The following ARHGEF7 variants were observed in gnomAD, a reference collection of about 807,000 sequenced individuals.
ARHGEF7 encodes PAK-interacting exchange factor beta.
A neutral mutation model predicts 109.8 loss-of-function variants in ARHGEF7; 33 were observed. That is an observed-to-expected ratio of 0.30 (90% confidence interval 0.23 to 0.40). The LOEUF is 0.40. Among genes scored for constraint, ARHGEF7 ranks in the 10% least tolerant of loss-of-function variants. The pLI is 1.00. For missense variants in ARHGEF7, 938 were observed against 1,098.5 expected (o/e 0.85, Z 2.07); for synonymous variants, 458 against 424.6 (o/e 1.08, Z -0.97).
At chr13:111,127,659 AAAAAAAAAAAAAAAG>A (rs2067664108) in intron 1 of ARHGEF7, among the ~76,000 whole-genome samples, 1 of 149,592 alleles carries the variant, frequency 6.7e-6, no homozygotes, top group Non-Finnish European at 1.5e-5. Context: ...AAAAAAAAAA[AAAAAAAAAAAAAAAG>A]AAGGAAGGAA....
chr13:111,280,835 C>A, intron 15 of ARHGEF7, 158 bp downstream of exon 15: 1 of 808,474 alleles, frequency 1.2e-6, no homozygotes, highest in Non-Finnish European at 1.9e-6. Flanking sequence ...TGGCCCTCTT[C>A]GTGCAGTAGT....
chr13:111,277,758 G>A, intron 13 of ARHGEF7, 85 bp downstream of exon 13: 1 of 909,508 alleles, frequency 1.1e-6, no homozygotes, highest in Non-Finnish European at 1.8e-6. Flanking sequence ...AATATTACGT[G>A]TATCTATCTG....
At chr13:111,236,563 A>G (rs186068764) in intron 6 of ARHGEF7, among the ~76,000 whole-genome samples, 5 of 152,146 alleles carry the variant, frequency 3.3e-5, no homozygotes, top group African/African-American at 1.2e-4. Context: ...ACTGATGTCT[A>G]TTTTTATTTT....
intron 8 of ARHGEF7, among the ~76,000 whole-genome samples, chr13:111,253,287 C>T (rs1234222350): frequency 2.4e-4 from 37 of 152,166 alleles, no homozygotes; most frequent in Admixed American, 2.4e-3. Context: ...AAAAAATTGC[C>T]TCTATGGGAA....
At chr13:111,286,794 A>C (rs887083000) in intron 17 of ARHGEF7, among the ~76,000 whole-genome samples, 8 of 152,058 alleles carry the variant, frequency 5.3e-5, no homozygotes, top group African/African-American at 1.9e-4. Flanking sequence ...ATAGCTTTTG[A>C]ATAAGTGGAG....
At chr13:111,201,699 GGAT>G (rs758591445) in intron 2 of ARHGEF7, among the ~76,000 whole-genome samples, 45 of 152,138 alleles carry the variant, frequency 3.0e-4, no homozygotes, top group Non-Finnish European at 5.6e-4. Context: ...TCCCTGGTGA[GGAT>G]GAGAAGTCTG....
Position 111,265,965 on chromosome 13 carries a change from G to A in ARHGEF7, c.951-1583G>A, listed in dbSNP as rs76953392. ...GGACTGAGGCCGTGTGCTTATCGGT[G>A]GGGACAGCAGAGCAGAAGCAGTGTC... On this transcript the variant is annotated intron_variant, in intron 8 of 21. Transcript: ENST00000646102. Among the ~76,000 whole-genome samples the A allele has an allele frequency of 3.1e-3, 474 of 152,314 alleles. 2 individuals carry two copies. The highest frequency in any genetic ancestry group is 0.011 in the African/African-American group (450 of 41,560).
chr13:111,265,124 C>CAAAAAAA (rs976877106), intron 8 of ARHGEF7, among the ~76,000 whole-genome samples: 2 of 69,456 alleles, frequency 2.9e-5, no homozygotes, highest in East Asian at 4.2e-4. Flanking sequence ...AACTCCATCT[C>CAAAAAAA]AAAAAAAAAA....
At chr13:111,245,179 A>T (rs2088584814) in intron 8 of ARHGEF7, among the ~76,000 whole-genome samples, 1 of 152,108 alleles carries the variant, frequency 6.6e-6, no homozygotes, top group Non-Finnish European at 1.5e-5. Context: ...TGCTGAGCAT[A>T]CTTCTCAGAT....
chr13:111,139,563 G>A (rs1042433102), intron 1 of ARHGEF7, among the ~76,000 whole-genome samples: 1 of 150,166 alleles, frequency 6.7e-6, no homozygotes, highest in African/African-American at 2.4e-5. Flanking sequence ...GAGCACTGGC[G>A]GGTGCCTGCG....
chr13:111,215,124 G>A (rs1446502627), intron 4 of ARHGEF7, among the ~76,000 whole-genome samples: 1 of 151,920 alleles, frequency 6.6e-6, no homozygotes, highest in African/African-American at 2.4e-5. Context: ...TGGGGTACAC[G>A]AGCTGTCTTG....
chr13:111,302,168 T>G (rs577281037), intron 21 of ARHGEF7, among the ~76,000 whole-genome samples: 1 of 152,294 alleles, frequency 6.6e-6, no homozygotes, highest in Non-Finnish European at 1.5e-5. Flanking sequence ...CGAAGCCAGG[T>G]TAGCGAGCCA....
chr13:111,118,722 A>G (rs771025060), intron 1 of ARHGEF7, among the ~76,000 whole-genome samples: 12 of 152,230 alleles, frequency 7.9e-5, no homozygotes, highest in South Asian at 4.1e-4. Context: ...GAAAATTTCT[A>G]TAAGACTAAT....
In ARHGEF7 at chr13:111,115,620, C is replaced by T; in HGVS notation, c.94C>T (p.Gln32Ter). ...CATCTCGGACCCGGAGGGCTTTCTG[C>T]AGGCGTCGCTGAAGGATGGGGTGGT... Reference protein sequence around the residue: ...KTISDPEGFLQASLKDGVVLC... With the variant: ...KTISDPEGFL Residue 32 changes from glutamine (Q) to a stop codon, truncating the protein, a stop_gained, in exon 1 of 22, where the codon CAG (glutamine) becomes TAG (stop). Coordinates refer to ENST00000646102, the MANE Select transcript of ARHGEF7 (RefSeq NM_001354046.2). LOFTEE classifies it high-confidence loss of function. The T allele has an allele frequency of 7.1e-7, 1 of 1,404,870 alleles. No individual in the cohort carries two copies. Among genetic ancestry groups the T allele is most frequent in the Non-Finnish European group, 9.4e-7 (1 of 1,063,560 alleles). 87.0% of individuals were successfully genotyped at this position (1,404,870 alleles called of 1,614,324 possible). A position where few individuals can be genotyped will look rare whatever the true frequency, so the allele number is the denominator to read the frequency against.
At chr13:111,288,268 GA>G in intron 17 of ARHGEF7, 85 bp from the exon 18 acceptor site, 1 of 696,710 alleles carries the variant, frequency 1.4e-6, no homozygotes, top group Non-Finnish European at 2.4e-6. Flanking sequence ...CACTTTGGTC[GA>G]GTTGATGTCT....
At chr13:111,187,872 G>A (rs964571633) in intron 2 of ARHGEF7, among the ~76,000 whole-genome samples, 1 of 152,234 alleles carries the variant, frequency 6.6e-6, no homozygotes, top group Non-Finnish European at 1.5e-5. Context: ...TGGTCACTCA[G>A]CTGGAAGAGA....
intron 2 of ARHGEF7, among the ~76,000 whole-genome samples, chr13:111,155,414 CAAAG>C (rs771536710): frequency 1.6e-4 from 24 of 152,304 alleles, no homozygotes; most frequent in Non-Finnish European, 2.4e-4. Context: ...ATTGTAAACA[CAAAG>C]AAATTTATTG....
intron 2 of ARHGEF7, among the ~76,000 whole-genome samples, chr13:111,166,074 C>G (rs565482957): frequency 3.9e-5 from 6 of 152,290 alleles, no homozygotes; most frequent in African/African-American, 1.4e-4. Context: ...AGAATCTTGG[C>G]TTTTCTCTTT....
intron 5 of ARHGEF7, among the ~76,000 whole-genome samples, chr13:111,223,715 T>TC (rs1165642789): frequency 6.6e-6 from 1 of 152,204 alleles, no homozygotes; most frequent in Non-Finnish European, 1.5e-5. Flanking sequence ...GTAATAACGA[T>TC]CTTTCTAATG....
Sources: allele counts gnomAD v4.1 joint callset (sites outside exome capture counted in the v4.1 genomes callset), GRCh38; gene constraint gnomAD v4.1.1; transcripts MANE v1.5; gene names NCBI Gene and HGNC (gene_info 2026-07-23, HGNC 2026-07-21).